The following ZFPM2 variants were observed in gnomAD, a reference collection of about 807,000 sequenced individuals.
ZFPM2 encodes zinc finger protein ZFPM2.
ZFPM2 carries 20 observed loss-of-function variants against 98.6 expected under a neutral mutation model. That is an observed-to-expected ratio of 0.20 (90% confidence interval 0.14 to 0.29). The LOEUF (loss-of-function observed/expected upper bound fraction) is 0.29, where lower values mean the gene tolerates loss of function less well. Ranked by LOEUF, ZFPM2 falls within the 10% of genes least tolerant of loss-of-function variation. The pLI, the probability that ZFPM2 is intolerant of heterozygous loss-of-function variation, is 1.00. For synonymous variants in ZFPM2, 518 were observed against 502.7 expected, an observed-to-expected ratio of 1.03 and a Z score of -0.41; for missense variants, 1,310 against 1,388.6, an observed-to-expected ratio of 0.94 and a Z score of 0.90.
At chr8:105,798,433 CAGTG>C (rs1424468476) in intron 6 of ZFPM2, 1 of 262,334 alleles carries the variant, frequency 3.8e-6, no homozygotes, top group African/African-American at 2.2e-5. Flanking sequence ...CTAGGTAACA[CAGTG>C]AGAATCTGTC....
intron 5 of ZFPM2, among the ~76,000 whole-genome samples, chr8:105,675,086 C>CTCA (rs1477432605): frequency 8.6e-5 from 13 of 152,026 alleles, no homozygotes; most frequent in African/African-American, 3.1e-4. Context: ...GTAAAGCGGA[C>CTCA]TGGGAGTAAA....
intron 5 of ZFPM2, 27 bp from the exon 6 acceptor site, chr8:105,788,691 T>TATC: frequency 1.2e-6 from 2 of 1,609,742 alleles, no homozygotes; most frequent in South Asian, 1.1e-5. Flanking sequence ...ATGTCAATTT[T>TATC]ATCTTTTTCT....
Position 105,550,616 on chromosome 8 carries a change from T to C in ZFPM2, c.302-10747T>C, listed in dbSNP as rs1319170920. On this transcript the variant is annotated intron_variant, in intron 3 of 7. Coordinates refer to ENST00000407775, the MANE Select transcript of ZFPM2 (RefSeq NM_012082.4). Reference sequence around the variant, plus strand: ...AGAAAATACGTACAAATCACTCTTATAAGGAAGAAAGTGATGAAATGTATT... The same window carrying C: ...AGAAAATACGTACAAATCACTCTTACAAGGAAGAAAGTGATGAAATGTATT... 2.6e-5 allele frequency among the ~76,000 whole-genome samples: 4 copies of C among 152,084 alleles called. 1 individual carries two copies. The highest frequency in any genetic ancestry group is 6.6e-5 in the Admixed American group (1 of 15,264).
At chr8:105,673,130 G>C (rs1048626983) in intron 5 of ZFPM2, among the ~76,000 whole-genome samples, 3 of 148,268 alleles carry the variant, frequency 2.0e-5, no homozygotes, top group African/African-American at 7.6e-5. Context: ...TTGTGCCAGG[G>C]AAGAACTTAA....
chr8:105,520,920 T>C (rs1167540045), intron 3 of ZFPM2, among the ~76,000 whole-genome samples: 1 of 152,030 alleles, frequency 6.6e-6, no homozygotes, highest in Admixed American at 6.6e-5. Flanking sequence ...ATAATAGACA[T>C]CTGTCTACAA....
At position 105,384,767 on chromosome 8, in the gene ZFPM2, G is replaced by A. The variant is rs1810951822; in HGVS notation, c.41-34377G>A. On this transcript the variant is annotated intron_variant, in intron 1 of 7. Coordinates refer to ENST00000407775, the MANE Select transcript of ZFPM2 (RefSeq NM_012082.4). ...CGAGCTCCTCTAAGTCCTTCCCATT[G>A]TCAGCCACTAAATATGCTCTCTGGA... Among the ~76,000 whole-genome samples, 3 of 152,278 alleles carry A rather than the reference G, an allele frequency of 2.0e-5. No homozygotes were observed. In the South Asian group the frequency reaches 6.2e-4, roughly 32 times the overall value.
chr8:105,467,010 G>T (rs567778715), intron 3 of ZFPM2, among the ~76,000 whole-genome samples: 1 of 152,030 alleles, frequency 6.6e-6, no homozygotes, highest in Admixed American at 6.6e-5. Flanking sequence ...TCATGGAAAT[G>T]ATGCCTACCT....
intron 5 of ZFPM2, among the ~76,000 whole-genome samples, chr8:105,726,133 A>G (rs1811801635): frequency 6.6e-6 from 1 of 151,682 alleles, no homozygotes; most frequent in Admixed American, 6.6e-5. Flanking sequence ...AGGAAATTCC[A>G]TCGAAATGCT....
At chr8:105,694,291 A>G (rs1041541863) in intron 5 of ZFPM2, among the ~76,000 whole-genome samples, 1 of 151,960 alleles carries the variant, frequency 6.6e-6, no homozygotes. Flanking sequence ...CAGCCTCTCC[A>G]AATTTTTTTA....
chr8:105,474,790 G>C (rs1446768995), intron 3 of ZFPM2, among the ~76,000 whole-genome samples: 1 of 152,260 alleles, frequency 6.6e-6, no homozygotes, highest in South Asian at 2.1e-4. Flanking sequence ...AAGTGATTGT[G>C]TGGAGACTGT....
At chr8:105,521,280 A>G (rs1381789216) in intron 3 of ZFPM2, among the ~76,000 whole-genome samples, 3 of 152,000 alleles carry the variant, frequency 2.0e-5, no homozygotes, top group Admixed American at 1.3e-4. Context: ...TGGAAAGTAA[A>G]TAGAACTGTA....
At chr8:105,588,976 A>T (rs2130759863) in intron 4 of ZFPM2, among the ~76,000 whole-genome samples, 1 of 152,358 alleles carries the variant, frequency 6.6e-6, no homozygotes, top group Non-Finnish European at 1.5e-5. Context: ...CAGTTGAATG[A>T]GATTTAAGAA....
chr8:105,781,529 T>A (rs1217376818), intron 5 of ZFPM2, among the ~76,000 whole-genome samples: 5 of 152,174 alleles, frequency 3.3e-5, no homozygotes, highest in Middle Eastern at 3.4e-3. Context: ...GATACCAGCC[T>A]GGGCAACATG....
rs146803715 is a variant in ZFPM2 at position 105,379,024 on chromosome 8, C to T, written c.41-40120C>T. Among the ~76,000 whole-genome samples the T allele has an allele frequency of 4.6e-5, 7 of 152,150 alleles. No individual in the cohort carries two copies. The East Asian group carries it at 5.8e-4, about 13-fold the overall frequency. On this transcript the variant is annotated intron_variant, in intron 1 of 7. Transcript: ENST00000407775. ...GGTAGATACGTAGGTAGATAATTAA[C>T]GTCTAGGACCTATTTAGATAATTAT...
chr8:105,386,703 T>G (rs1810997850), intron 1 of ZFPM2, among the ~76,000 whole-genome samples: 1 of 152,188 alleles, frequency 6.6e-6, no homozygotes, highest in Non-Finnish European at 1.5e-5. Flanking sequence ...CACTGCTGGC[T>G]GGGGCAGCCT....
At chr8:105,505,533 A>G (rs1813680914) in intron 3 of ZFPM2, among the ~76,000 whole-genome samples, 1 of 152,102 alleles carries the variant, frequency 6.6e-6, no homozygotes, top group African/African-American at 2.4e-5. Context: ...GCATATTAAA[A>G]CATACTTTTT....
intron 1 of ZFPM2, among the ~76,000 whole-genome samples, chr8:105,416,729 G>A (rs895242658): frequency 6.6e-6 from 1 of 151,788 alleles, no homozygotes; most frequent in African/African-American, 2.4e-5. Flanking sequence ...AAAAATAATA[G>A]TAATTATTTT....
intron 3 of ZFPM2, among the ~76,000 whole-genome samples, chr8:105,520,883 G>A (rs1453746621): frequency 2.7e-5 from 4 of 145,658 alleles, no homozygotes; most frequent in Admixed American, 2.0e-4. Flanking sequence ...GGGGAGGGCT[G>A]GGGCCTTAAA....
intron 3 of ZFPM2, among the ~76,000 whole-genome samples, chr8:105,501,613 C>T (rs947726553): frequency 5.9e-5 from 9 of 151,746 alleles, no homozygotes; most frequent in Admixed American, 5.3e-4. Flanking sequence ...AAGCAATTCT[C>T]ATGCCTCAGC....
Sources: gnomAD v4.1 joint callset for allele counts (sites outside exome capture counted in the v4.1 genomes callset) on GRCh38, gnomAD v4.1.1 for gene constraint, MANE v1.5 for transcripts, NCBI Gene and HGNC (gene_info 2026-07-23, HGNC 2026-07-21) for gene names.